Variants in ESR1 observed in about 807,000 individuals in gnomAD.
ESR1 encodes the protein estrogen receptor 1, also known as estrogen receptor.
ESR1 carries 12 observed loss-of-function variants against 52.7 expected under a neutral mutation model. The ratio of observed to expected loss-of-function variants is 0.23; its 90% confidence interval spans 0.15 to 0.37. The LOEUF (loss-of-function observed/expected upper bound fraction) is 0.37, where lower values mean the gene tolerates loss of function less well. ESR1 is among the 10% of genes least tolerant of loss of function. ESR1 has a pLI of 1.00. For synonymous variants in ESR1, 305 were observed against 316.8 expected (o/e 0.96, Z 0.39); for missense variants, 584 against 779.7 (o/e 0.75, Z 2.99).
At chr6:151,797,093 A>G (rs1285514292) in intron 2 of ESR1, among the ~76,000 whole-genome samples, 2 of 152,266 alleles carry the variant, frequency 1.3e-5, no homozygotes. Flanking sequence ...AGCAAAGTGA[A>G]GAGCATGTCA....
At chr6:151,729,151 G>A (rs1224400027) in intron 2 of ESR1, among the ~76,000 whole-genome samples, 1 of 152,078 alleles carries the variant, frequency 6.6e-6, no homozygotes, top group African/African-American at 2.4e-5. Flanking sequence ...CATGAGGGTG[G>A]AACCCTCAAG....
intron 4 of ESR1, among the ~76,000 whole-genome samples, chr6:152,001,427 C>G (rs866025117): frequency 1.3e-5 from 2 of 151,996 alleles, no homozygotes; most frequent in South Asian, 2.1e-4. Flanking sequence ...CTAATTTATT[C>G]TCATGAGAAA....
intron 2 of ESR1, among the ~76,000 whole-genome samples, chr6:151,779,510 A>T (rs2128119569): frequency 6.6e-6 from 1 of 152,318 alleles, no homozygotes; most frequent in South Asian, 2.1e-4. Context: ...GGTTGTTATT[A>T]AAAAGTAAAA....
At chr6:151,888,324 GTCT>G (rs1359858866) in intron 3 of ESR1, among the ~76,000 whole-genome samples, 4 of 151,986 alleles carry the variant, frequency 2.6e-5, no homozygotes, top group Admixed American at 1.3e-4. Context: ...ATTTATTTGT[GTCT>G]TCTTCAGTTT....
intron 1 of ESR1, among the ~76,000 whole-genome samples, chr6:151,677,246 T>C (rs772125990): frequency 6.6e-5 from 10 of 152,186 alleles, no homozygotes; most frequent in Admixed American, 2.6e-4. Flanking sequence ...CCAGTAACGA[T>C]AGGTTTCTAC....
intron 1 of ESR1, among the ~76,000 whole-genome samples, chr6:151,833,428 G>T (rs1044731040): frequency 1.3e-5 from 2 of 152,134 alleles, no homozygotes; most frequent in African/African-American, 2.4e-5. Flanking sequence ...GAAGCCTTAG[G>T]GTAGCCGTGG....
chr6:151,862,416 G>A (rs1643821), intron 2 of ESR1, among the ~76,000 whole-genome samples: 70,181 of 151,982 alleles, frequency 0.46, 17,004 homozygotes, highest in African/African-American at 0.62. Flanking sequence ...GTTAGTCCTG[G>A]TTGCCAAGGG....
chr6:152,046,522 T>C (rs1048651816), intron 5 of ESR1, among the ~76,000 whole-genome samples: 14 of 152,284 alleles, frequency 9.2e-5, no homozygotes, highest in Admixed American at 2.6e-4. Context: ...TGTATTTTCA[T>C]TGAGTGAGGT....
intron 1 of ESR1, among the ~76,000 whole-genome samples, chr6:151,675,956 C>A (rs1778236728): frequency 6.6e-6 from 1 of 152,198 alleles, no homozygotes; most frequent in South Asian, 2.1e-4. Flanking sequence ...GGAAGGCCAG[C>A]ACCTGCCTGC....
chr6:151,842,868 A>G (rs529118304), intron 2 of ESR1, 81 bp downstream of exon 2: 5 of 1,230,178 alleles, frequency 4.1e-6, no homozygotes, highest in African/African-American at 3.0e-5. Flanking sequence ...GAAGGAAGAC[A>G]TAGAATCAGC....
chr6:151,807,636 GA>G (rs1778088493), upstream of ESR1: 1 of 573,324 alleles, frequency 1.7e-6, no homozygotes, highest in African/African-American at 1.9e-5. Flanking sequence ...TAATGCATAT[GA>G]GCTCGGGAGA....
intron 2 of ESR1, among the ~76,000 whole-genome samples, chr6:151,731,362 A>G (rs1285731956): frequency 2.0e-5 from 3 of 148,240 alleles, no homozygotes; most frequent in African/African-American, 7.4e-5. Flanking sequence ...TCTCTCAAGA[A>G]AAAAAAAAAA....
At chr6:151,726,564 C>T (rs980908781) in intron 2 of ESR1, among the ~76,000 whole-genome samples, 2 of 152,142 alleles carry the variant, frequency 1.3e-5, no homozygotes, top group African/African-American at 4.8e-5. Context: ...TCTTGATCTC[C>T]TGATTTCGTG....
intron 5 of ESR1, among the ~76,000 whole-genome samples, chr6:152,027,117 C>T (rs1440198492): frequency 1.3e-5 from 2 of 152,028 alleles, no homozygotes; most frequent in Admixed American, 6.6e-5. Context: ...CAGGCATCAG[C>T]CACCCCACCT....
chr6:152,011,168 T>C (rs574619352), intron 4 of ESR1, among the ~76,000 whole-genome samples: 1 of 152,196 alleles, frequency 6.6e-6, no homozygotes, highest in South Asian at 2.1e-4. Context: ...CTTTTACATA[T>C]TACAAAAAAA....
chr6:151,719,925 T>A (rs2128015922), intron 2 of ESR1, among the ~76,000 whole-genome samples: 1 of 152,266 alleles, frequency 6.6e-6, no homozygotes, highest in Non-Finnish European at 1.5e-5. Flanking sequence ...GTTTGAAGGG[T>A]CAGGAATATT....
intron 2 of ESR1, among the ~76,000 whole-genome samples, chr6:151,717,669 G>A (rs1396268790): frequency 6.6e-6 from 1 of 152,034 alleles, no homozygotes; most frequent in Non-Finnish European, 1.5e-5. Context: ...CCCGGTGGTA[G>A]GGTTATGAAT....
chr6:152,073,784 G>A (rs1166047723), intron 6 of ESR1, among the ~76,000 whole-genome samples: 4 of 152,090 alleles, frequency 2.6e-5, no homozygotes, highest in African/African-American at 9.7e-5. Context: ...CCGACCTCAG[G>A]CAAGTCCAGG....
chr6:151,764,707 A>G (rs1474661616), intron 2 of ESR1, among the ~76,000 whole-genome samples: 2 of 152,190 alleles, frequency 1.3e-5, no homozygotes, highest in Admixed American at 6.5e-5. Flanking sequence ...TAAGATGTCT[A>G]TCAGTCACAA....
Sources: allele counts gnomAD v4.1 joint callset (sites outside exome capture counted in the v4.1 genomes callset), GRCh38; gene constraint gnomAD v4.1.1; transcripts MANE v1.5; gene names NCBI Gene and HGNC (gene_info 2026-07-23, HGNC 2026-07-21).